MBTPS1: variants seen among roughly 807,000 people sequenced by gnomAD.
MBTPS1 encodes membrane bound transcription factor peptidase, site 1, also known as membrane-bound transcription factor site-1 protease.
A neutral mutation model predicts 127.8 loss-of-function variants in MBTPS1; 94 were observed. The observed-to-expected ratio is 0.74, with a 90% CI of 0.62 to 0.87. The LOEUF is 0.87. Ranked by LOEUF, MBTPS1 falls within the 40% of genes least tolerant of loss-of-function variation. The pLI is 0.00. For missense variants in MBTPS1, 1,636 were observed against 1,353.2 expected (o/e 1.21, Z -3.28); for synonymous variants, 632 against 509.4 (o/e 1.24, Z -3.24).
In MBTPS1 at chr16:84,066,371, C is replaced by G. The variant is rs2085683072; in HGVS notation, c.2353+118G>C. The G allele has an allele frequency of 2.7e-6, 3 of 1,101,826 alleles. No homozygotes were observed. In the African/African-American group the frequency reaches 4.8e-5, roughly 17 times the overall value. The allele number at this position is 1,101,826 out of a possible 1,614,324, so 68.3% of individuals were successfully genotyped here. ...TTTTGAAAATACTGGTGAGTTCTTT[C>G]CACAGACTCCAGCTAACTGAGGGAT... On this transcript the variant is annotated intron_variant, in intron 17 of 22. Transcript: ENST00000343411.
At chr16:84,099,378 T>A in intron 2 of MBTPS1, 68 bp from the exon 3 acceptor site, 1 of 1,491,222 alleles carries the variant, frequency 6.7e-7, no homozygotes, top group Non-Finnish European at 9.0e-7. Context: ...CTATATTGTA[T>A]CTAATCTAAA....
At chr16:84,101,492 A>T in intron 2 of MBTPS1, 129 bp downstream of exon 2, 1 of 549,334 alleles carries the variant, frequency 1.8e-6, no homozygotes, top group South Asian at 4.4e-5. Flanking sequence ...CTCTGTCTCA[A>T]AAAAAAAAAA....
chr16:84,105,594 A>T (rs2086312469), intron 1 of MBTPS1, among the ~76,000 whole-genome samples: 3 of 152,178 alleles, frequency 2.0e-5, no homozygotes, highest in Admixed American at 2.0e-4. Context: ...CCACAGGAAG[A>T]CACAGATGTG....
intron 15 of MBTPS1, 121 bp from the exon 16 acceptor site, chr16:84,067,944 G>A: frequency 1.1e-6 from 1 of 904,818 alleles, no homozygotes; most frequent in Non-Finnish European, 1.7e-6. Flanking sequence ...TCTGGTTTGT[G>A]CCACCCTGTA....
chr16:84,063,960 T>C (rs1163447269), intron 18 of MBTPS1, among the ~76,000 whole-genome samples: 1 of 152,214 alleles, frequency 6.6e-6, no homozygotes, highest in Non-Finnish European at 1.5e-5. Flanking sequence ...CATATTTATA[T>C]TTAGGTTTAA....
chr16:84,098,832 C>G (rs1018137969), intron 3 of MBTPS1, among the ~76,000 whole-genome samples: 2 of 152,096 alleles, frequency 1.3e-5, no homozygotes, highest in Non-Finnish European at 2.9e-5. Flanking sequence ...TCTACCAGAA[C>G]AGTACGAAGT....
chr16:84,055,733 T>C (rs2085512379), intron 22 of MBTPS1, among the ~76,000 whole-genome samples: 3 of 152,240 alleles, frequency 2.0e-5, no homozygotes, highest in African/African-American at 4.8e-5. Context: ...ACTTTGAACA[T>C]GTTTAAGTAG....
At chr16:84,070,811 G>A in intron 12 of MBTPS1, 35 bp from the exon 13 acceptor site, 2 of 1,548,476 alleles carry the variant, frequency 1.3e-6, no homozygotes, top group Non-Finnish European at 1.8e-6. Flanking sequence ...AGGCTAAAGT[G>A]AAAAGCTCCA....
At chr16:84,084,629 C>T (rs747418158) in intron 10 of MBTPS1, among the ~76,000 whole-genome samples, 1 of 152,162 alleles carries the variant, frequency 6.6e-6, no homozygotes, top group Non-Finnish European at 1.5e-5. Flanking sequence ...AAATATCTTA[C>T]TATTTGTTCC....
chr16:84,067,867 G>T, intron 15 of MBTPS1, 44 bp from the exon 16 acceptor site: 1 of 1,577,470 alleles, frequency 6.3e-7, no homozygotes. Context: ...ACTTCTGAAT[G>T]ACAGGACACC....
At chr16:84,073,780 G>C (rs769956091) in intron 12 of MBTPS1, among the ~76,000 whole-genome samples, 1 of 152,106 alleles carries the variant, frequency 6.6e-6, no homozygotes, top group Non-Finnish European at 1.5e-5. Flanking sequence ...TGAGGTAGCT[G>C]GATCACCTGA....
Position 84,054,307 on chromosome 16 carries a change from C to G in MBTPS1, c.*142G>C. On this transcript the variant is annotated 3_prime_UTR_variant, in exon 23 of 23. Coordinates refer to ENST00000343411, the MANE Select transcript of MBTPS1 (RefSeq NM_003791.4). ...GGAGCCTCTGCCCATCACAGGAGGG[C>G]AGGCCCATGTAGAACAGACTCTAAC... 1.6e-6 allele frequency: 1 copy of G among 626,902 alleles called. No homozygotes were observed. Among genetic ancestry groups the G allele is most frequent in the Non-Finnish European group, 2.6e-6 (1 of 391,858 alleles). 38.8% of individuals were successfully genotyped at this position (626,902 alleles called of 1,614,324 possible).
intron 5 of MBTPS1, 127 bp downstream of exon 5, chr16:84,093,584 G>C: frequency 1.4e-6 from 1 of 740,406 alleles, no homozygotes; most frequent in Non-Finnish European, 2.3e-6. Flanking sequence ...AGCAGTTTCT[G>C]CCACAACAAA....
intron 20 of MBTPS1, chr16:84,060,427 G>A (rs1253091415): frequency 7.2e-6 from 3 of 414,952 alleles, no homozygotes; most frequent in Non-Finnish European, 1.3e-5. Flanking sequence ...CACACTCAGA[G>A]TGGCGTGAGG....
chr16:84,097,691 TG>T (rs1217475799), intron 3 of MBTPS1, among the ~76,000 whole-genome samples: 15 of 152,266 alleles, frequency 9.9e-5, no homozygotes, highest in Admixed American at 9.8e-4. Flanking sequence ...CAGGTTTGAT[TG>T]GCTTTTATCT....
chr16:84,084,982 C>T lies in MBTPS1; in HGVS notation c.1286+1G>A. On this transcript the variant is annotated splice_donor_variant, in intron 10 of 22. Transcript: ENST00000343411. LOFTEE classifies it high-confidence loss of function. ...ACTGGTCTCTAGGGGGCAGCACTCA[C>T]CTCACTAACAAGGTGACAGCACCTG... The T allele has an allele frequency of 3.1e-6, 5 of 1,613,854 alleles. No individual in the cohort carries two copies. The highest frequency in any genetic ancestry group is 4.2e-6 in the Non-Finnish European group (5 of 1,179,900).
At chr16:84,056,411 A>T (rs986596117) in intron 21 of MBTPS1, 1 of 311,562 alleles carries the variant, frequency 3.2e-6, no homozygotes, top group African/African-American at 2.1e-5. Flanking sequence ...ATAAAGCTAA[A>T]CATGACCAAG....
intron 11 of MBTPS1, among the ~76,000 whole-genome samples, chr16:84,080,598 T>A (rs1597326060): frequency 6.6e-6 from 1 of 152,220 alleles, no homozygotes; most frequent in African/African-American, 2.4e-5. Context: ...AGGCCACGCT[T>A]CCCCTGGGGC....
chr16:84,096,368 C>A (rs1475039573), intron 3 of MBTPS1, among the ~76,000 whole-genome samples: 1 of 152,166 alleles, frequency 6.6e-6, no homozygotes, highest in African/African-American at 2.4e-5. Context: ...CAGGGAATTT[C>A]TGAGGGTGAT....
Sources: allele counts gnomAD v4.1 joint callset (sites outside exome capture counted in the v4.1 genomes callset), GRCh38; gene constraint gnomAD v4.1.1; transcripts MANE v1.5; gene names NCBI Gene and HGNC (gene_info 2026-07-23, HGNC 2026-07-21).